The following GRAMD1B variants were observed in gnomAD, a reference collection of about 807,000 sequenced individuals.
The protein encoded by GRAMD1B is GRAM domain containing 1B.
A neutral mutation model predicts 99.7 loss-of-function variants in GRAMD1B; 37 were observed. The observed-to-expected ratio is 0.37, with a 90% CI of 0.29 to 0.49. GRAMD1B has a LOEUF of 0.49. Ranked by LOEUF, GRAMD1B falls within the 20% of genes least tolerant of loss-of-function variation. The pLI is 0.98. For missense variants in GRAMD1B, 888 were observed against 1,009.2 expected (o/e 0.88, Z 1.63); for synonymous variants, 427 against 387.6 (o/e 1.10, Z -1.19).
At chr11:123,446,116 C>T (rs1434798110) in intron 1 of GRAMD1B, among the ~76,000 whole-genome samples, 1 of 152,112 alleles carries the variant, frequency 6.6e-6, no homozygotes, top group Non-Finnish European at 1.5e-5. Flanking sequence ...AGGCTTTGTA[C>T]TTGGACCTCA....
chr11:123,603,861 G>A (rs1452264739), intron 9 of GRAMD1B, among the ~76,000 whole-genome samples: 3 of 152,378 alleles, frequency 2.0e-5, no homozygotes, highest in Admixed American at 6.5e-5. Context: ...CAGGGCAGAG[G>A]CAGGGAAACC....
At chr11:123,529,951 A>C (rs1943183881) in intron 2 of GRAMD1B, among the ~76,000 whole-genome samples, 1 of 152,146 alleles carries the variant, frequency 6.6e-6, no homozygotes, top group Non-Finnish European at 1.5e-5. Flanking sequence ...ACAGACCTTC[A>C]GGAAAGTCAG....
chr11:123,585,588 C>T (rs563655175), intron 4 of GRAMD1B, among the ~76,000 whole-genome samples: 1 of 152,304 alleles, frequency 6.6e-6, no homozygotes, highest in East Asian at 1.9e-4. Context: ...TCTGAGCCAC[C>T]CCCTTACCTT....
At chr11:123,500,996 A>G (rs1939796609) in intron 2 of GRAMD1B, among the ~76,000 whole-genome samples, 1 of 152,014 alleles carries the variant, frequency 6.6e-6, no homozygotes, top group Non-Finnish European at 1.5e-5. Flanking sequence ...TTGAGGGCAT[A>G]TTGCGTGCTT....
chr11:123,447,392 G>T (rs1949690786), intron 1 of GRAMD1B, among the ~76,000 whole-genome samples: 1 of 152,202 alleles, frequency 6.6e-6, no homozygotes, highest in Non-Finnish European at 1.5e-5. Flanking sequence ...ACCAGAACAA[G>T]GGTTCAGTTT....
intron 2 of GRAMD1B, among the ~76,000 whole-genome samples, chr11:123,485,715 C>A (rs78160127): frequency 1.5e-5 from 2 of 132,484 alleles, no homozygotes; most frequent in Non-Finnish European, 3.2e-5. Context: ...TTAATTCATT[C>A]TTTTTTTTTT....
intron 2 of GRAMD1B, chr11:123,560,330 A>AG: frequency 1.7e-6 from 2 of 1,154,586 alleles, no homozygotes; most frequent in Non-Finnish European, 2.2e-6. Flanking sequence ...AGAGAGAGAG[A>AG]GGGACTTCTG....
At chr11:123,580,818 C>A (rs1248657937) in intron 3 of GRAMD1B, among the ~76,000 whole-genome samples, 2 of 152,154 alleles carry the variant, frequency 1.3e-5, no homozygotes, top group Non-Finnish European at 2.9e-5. Context: ...GCAAAGCGCG[C>A]CTCCTCCCGC....
upstream of GRAMD1B, among the ~76,000 whole-genome samples, chr11:123,429,792 G>A (rs951474175): frequency 1.3e-5 from 2 of 152,150 alleles, no homozygotes; most frequent in Non-Finnish European, 2.9e-5. The surrounding 1 kb of genome is among the most constrained non-coding windows in gnomAD (Gnocchi z 4.0). Flanking sequence ...TGTCATTTTG[G>A]AAGCAGCCTC....
chr11:123,577,561 G>C lies in GRAMD1B; in HGVS notation c.647G>C (p.Gly216Ala). The change falls in exon 3 of 20, where the codon GGC (glycine) becomes GCC (alanine). Residue 216 changes from glycine to alanine, a missense_variant. Gly to Ala is a moderately conservative substitution (Grantham distance 60). Around this residue, in one of 5 missense-constraint regions of GRAMD1B, gnomAD observed 62 missense variants for 139.4 expected, o/e 0.44. Transcript: ENST00000635736. ...RSCSSQSGRS[G>A]GKNSKKSQSW... Reference sequence around the variant, plus strand: ...TGCTCCTCCCAGTCCGGCCGGAGCGGCGGCAAGAATTCCAAGGTGAGCGGG... The same window carrying C: ...TGCTCCTCCCAGTCCGGCCGGAGCGCCGGCAAGAATTCCAAGGTGAGCGGG... 6.3e-7 allele frequency: 1 copy of C among 1,587,432 alleles called. No homozygotes were observed. The highest frequency in any genetic ancestry group is 8.6e-7 in the Non-Finnish European group (1 of 1,167,330).
At chr11:123,469,029 A>G (rs1469665539) in intron 1 of GRAMD1B, among the ~76,000 whole-genome samples, 1 of 152,024 alleles carries the variant, frequency 6.6e-6, no homozygotes, top group Non-Finnish European at 1.5e-5. Context: ...TAGGTGGAAG[A>G]GTCGACTTGA....
intron 2 of GRAMD1B, among the ~76,000 whole-genome samples, chr11:123,548,291 A>AATATATATATATAT (rs139996126): frequency 8.1e-4 from 61 of 75,136 alleles, no homozygotes; most frequent in Middle Eastern, 8.6e-3. Context: ...GCTGTGCCAA[A>AATATATATATATAT]ATATATATAT....
At position 123,405,192 on chromosome 11, in the gene GRAMD1B, A is replaced by ATGTG. The variant is rs145624429; in HGVS notation, c.-176+46418_-176+46421dup. 4.5e-4 allele frequency among the ~76,000 whole-genome samples: 66 copies of ATGTG among 147,934 alleles called. No individual in the cohort carries two copies. The South Asian group carries it at 6.8e-3, about 15-fold the overall frequency. On this transcript the variant is annotated intron_variant, in intron 1 of 20. Transcript: ENST00000638157. ...GAGAGTATGTTGTAATCATGTGTGCATGTGTGTGTGTGTGTGTGTGTGTGT... is the reference window on the plus strand; with the variant it reads ...GAGAGTATGTTGTAATCATGTGTGCATGTGTGTGTGTGTGTGTGTGTGTGTGTGT...
intron 1 of GRAMD1B, among the ~76,000 whole-genome samples, chr11:123,450,180 G>C (rs984077289): frequency 1.3e-5 from 2 of 152,134 alleles, no homozygotes; most frequent in Non-Finnish European, 2.9e-5. Flanking sequence ...CCCTGGTATA[G>C]TCTGCAAACA....
intron 2 of GRAMD1B, among the ~76,000 whole-genome samples, chr11:123,554,062 G>C (rs1432135943): frequency 1.3e-5 from 2 of 152,136 alleles, no homozygotes; most frequent in Admixed American, 6.5e-5. Context: ...GTTTGGGGCA[G>C]CACTGCAGAA....
intron 1 of GRAMD1B, among the ~76,000 whole-genome samples, chr11:123,433,271 G>A (rs572077461): frequency 4.1e-4 from 63 of 152,142 alleles, no homozygotes; most frequent in African/African-American, 1.4e-3. Flanking sequence ...CCAGCTACTC[G>A]GGAGGCCAAG....
At chr11:123,604,360 T>TGAGG (rs1952412899) in intron 9 of GRAMD1B, among the ~76,000 whole-genome samples, 1 of 152,162 alleles carries the variant, frequency 6.6e-6, no homozygotes, top group African/African-American at 2.4e-5. Flanking sequence ...GCACATGCAG[T>TGAGG]GAGGGAGGAA....
intron 2 of GRAMD1B, among the ~76,000 whole-genome samples, chr11:123,544,359 C>A (rs1197442519): frequency 6.6e-6 from 1 of 152,214 alleles, no homozygotes; most frequent in African/African-American, 2.4e-5. Context: ...CTTGCCCTAA[C>A]CACCCCACTG....
intron 2 of GRAMD1B, among the ~76,000 whole-genome samples, chr11:123,514,147 T>A (rs1941443647): frequency 6.6e-6 from 1 of 152,012 alleles, no homozygotes; most frequent in Non-Finnish European, 1.5e-5. Flanking sequence ...AGTAAACAAA[T>A]TATGGCAACA....
Sources: allele counts gnomAD v4.1 joint callset (sites outside exome capture counted in the v4.1 genomes callset), GRCh38; gene constraint gnomAD v4.1.1; regional missense constraint gnomAD v4.1.1; non-coding constraint Gnocchi (gnomAD v3.1); transcripts MANE v1.5; gene names NCBI Gene and HGNC (gene_info 2026-07-23, HGNC 2026-07-21).